Variants in PCSK5 observed in about 807,000 individuals in gnomAD.
PCSK5 encodes the protein proprotein convertase subtilisin/kexin type 5.
PCSK5 carries 129 observed loss-of-function variants against 233.2 expected under a neutral mutation model. The ratio of observed to expected loss-of-function variants is 0.55; its 90% CI spans 0.48 to 0.64. PCSK5 has a LOEUF of 0.64. Among genes scored for constraint, PCSK5 ranks in the 30% least tolerant of loss-of-function variants. The probability of loss-of-function intolerance (pLI) is 0.00; values close to 1 mark genes in which losing one functional copy is unlikely to be tolerated. For synonymous variants in PCSK5, 825 were observed against 879.2 expected (o/e 0.94, Z 1.09); for missense variants, 2,076 against 2,430.1 (o/e 0.85, Z 3.06).
chr9:76,189,032 C>G, intron 18 of PCSK5, 62 bp from the exon 19 acceptor site: 1 of 1,489,836 alleles, frequency 6.7e-7, no homozygotes, highest in Non-Finnish European at 9.2e-7. Context: ...AAAGAAGAAG[C>G]CCATGACACC....
At chr9:76,309,224 G>GA (rs1828792117) in intron 29 of PCSK5, among the ~76,000 whole-genome samples, 1 of 151,612 alleles carries the variant, frequency 6.6e-6, no homozygotes, top group Non-Finnish European at 1.5e-5. Context: ...TCTTAAAAAA[G>GA]AAAAAAGTTT....
chr9:76,147,862 C>A (rs956861141), intron 10 of PCSK5, among the ~76,000 whole-genome samples: 1 of 152,142 alleles, frequency 6.6e-6, no homozygotes, highest in Non-Finnish European at 1.5e-5. Flanking sequence ...CCAGCCACAT[C>A]TGTTCTTTTT....
At chr9:76,207,053 G>A (rs1045990370) in intron 20 of PCSK5, among the ~76,000 whole-genome samples, 2 of 151,932 alleles carry the variant, frequency 1.3e-5, no homozygotes, top group Non-Finnish European at 2.9e-5. Context: ...CAGTAGCCTC[G>A]TTAAATCTCT....
At chr9:76,255,732 G>C (rs1018339272) in intron 24 of PCSK5, among the ~76,000 whole-genome samples, 2 of 152,154 alleles carry the variant, frequency 1.3e-5, no homozygotes, top group African/African-American at 4.8e-5. Flanking sequence ...CTACTTAGAA[G>C]GCTGAGGCAG....
intron 20 of PCSK5, among the ~76,000 whole-genome samples, chr9:76,192,615 ATTC>A (rs1265438084): frequency 5.9e-5 from 5 of 84,140 alleles, no homozygotes; most frequent in Non-Finnish European, 1.2e-4. Flanking sequence ...GTTGAATTTA[ATTC>A]TTCTTCTTGT....
chr9:76,040,247 C>A (rs1829036360), intron 5 of PCSK5, among the ~76,000 whole-genome samples: 1 of 149,450 alleles, frequency 6.7e-6, no homozygotes, highest in Non-Finnish European at 1.5e-5. Context: ...GCCATGTGAT[C>A]CAGATTGTAA....
intron 20 of PCSK5, among the ~76,000 whole-genome samples, chr9:76,213,116 C>A (rs1469525150): frequency 6.6e-6 from 1 of 152,188 alleles, no homozygotes; most frequent in Non-Finnish European, 1.5e-5. Context: ...GGGGTTTCAC[C>A]GACCTACTCA....
At chr9:76,046,762 G>A (rs1829424644) in intron 5 of PCSK5, among the ~76,000 whole-genome samples, 3 of 148,368 alleles carry the variant, frequency 2.0e-5, no homozygotes, top group Middle Eastern at 7.2e-3. Flanking sequence ...GGGTGTCAAC[G>A]TGTTAGCCAG....
chr9:76,351,518 A>G (rs1435310558), intron 36 of PCSK5, among the ~76,000 whole-genome samples: 1 of 123,548 alleles, frequency 8.1e-6, no homozygotes, highest in Admixed American at 8.3e-5. Context: ...GAAAGAAAGA[A>G]AGAAAGAAAG....
At chr9:75,895,591 A>G (rs72728957) in intron 1 of PCSK5, among the ~76,000 whole-genome samples, 16,077 of 152,248 alleles carry the variant, frequency 0.11, 1,089 homozygotes, top group South Asian at 0.18. Context: ...ATTAGGATTG[A>G]TTTCCCATGG....
At chr9:76,118,920 T>C (rs1198731945) in intron 9 of PCSK5, among the ~76,000 whole-genome samples, 1 of 152,082 alleles carries the variant, frequency 6.6e-6, no homozygotes, top group Non-Finnish European at 1.5e-5. Flanking sequence ...TTAATCTGCA[T>C]TTTGCTTTCC....
intron 7 of PCSK5, among the ~76,000 whole-genome samples, chr9:76,079,798 A>G (rs915558416): frequency 3.9e-5 from 6 of 152,130 alleles, no homozygotes; most frequent in African/African-American, 9.6e-5. Context: ...GTTGGCTGTG[A>G]GTTTGTCATA....
In PCSK5 at chr9:76,128,948, G is replaced by C. The variant is rs1822638887; in HGVS notation, c.1209-5161G>C. ...CAAAACAAATGCACCCCCAGTGGCA[G>C]ATACTCCTGCTCGCAGTGGGACTGA... On this transcript the variant is annotated intron_variant, in intron 9 of 37. Transcript: ENST00000674117. 2.0e-5 allele frequency among the ~76,000 whole-genome samples: 3 copies of C among 152,174 alleles called. No individual in the cohort carries two copies. The South Asian group carries it at 6.2e-4, about 32-fold the overall frequency.
chr9:75,931,100 A>G (rs1219431377), intron 1 of PCSK5, among the ~76,000 whole-genome samples: 1 of 152,202 alleles, frequency 6.6e-6, no homozygotes, highest in Non-Finnish European at 1.5e-5. Context: ...AATCTTAATG[A>G]TGAGACATTC....
At chr9:75,891,996 C>G (rs1231909045) in intron 1 of PCSK5, among the ~76,000 whole-genome samples, 1 of 152,116 alleles carries the variant, frequency 6.6e-6, no homozygotes, top group Non-Finnish European at 1.5e-5. Flanking sequence ...TCTAGGCTTT[C>G]TCGCCTTAAG....
At chr9:75,933,169 T>G (rs1032559386) in intron 2 of PCSK5, among the ~76,000 whole-genome samples, 3 of 152,194 alleles carry the variant, frequency 2.0e-5, no homozygotes, top group Non-Finnish European at 4.4e-5. Context: ...GATGGGAAGC[T>G]GAGGGGTGTC....
intron 8 of PCSK5, among the ~76,000 whole-genome samples, chr9:76,103,271 A>T (rs1293115348): frequency 6.6e-6 from 1 of 152,222 alleles, no homozygotes; most frequent in African/African-American, 2.4e-5. Context: ...TCAAATCAAA[A>T]TCAACACCAG....
In PCSK5 at chr9:76,332,714, G is replaced by C. The variant is rs560353627; in HGVS notation, c.4748+104G>C. 11 of 859,240 alleles carry C rather than the reference G, an allele frequency of 1.3e-5. No individual in the cohort carries two copies. The African/African-American group carries it at 1.9e-4, about 15-fold the overall frequency. 53.2% of individuals were successfully genotyped at this position (859,240 alleles called of 1,614,324 possible). ...AAGATTCAGAACACTTATAAAACCA[G>C]GTTGAAGTCTCAGTGCTAGTAAGGA... On this transcript the variant is annotated intron_variant, in intron 34 of 37. Coordinates refer to ENST00000674117, the MANE Select transcript of PCSK5 (RefSeq NM_001372043.1).
chr9:76,009,999 T>TGAC (rs143143611), intron 3 of PCSK5, among the ~76,000 whole-genome samples: 5,689 of 152,196 alleles, frequency 0.037, 346 homozygotes, highest in African/African-American at 0.13. Context: ...GGTATACCAG[T>TGAC]GACCCAGTTT....
Sources: gnomAD v4.1 joint callset for allele counts (sites outside exome capture counted in the v4.1 genomes callset) on GRCh38, gnomAD v4.1.1 for gene constraint, MANE v1.5 for transcripts, NCBI Gene and HGNC (gene_info 2026-07-23, HGNC 2026-07-21) for gene names.